HSD3B2: variants seen among roughly 807,000 people sequenced by gnomAD.
HSD3B2 encodes the protein 3 beta-hydroxysteroid dehydrogenase/Delta 5-->4-isomerase type 2.
Under a neutral mutation model 9.9 loss-of-function variants are expected in HSD3B2, and 8 were observed. The observed-to-expected ratio is 0.81, with a 90% CI of 0.47 to 1.46. The LOEUF (loss-of-function observed/expected upper bound fraction) is 1.46. Among genes scored for constraint, HSD3B2 ranks in the 40% most tolerant of loss-of-function variants. HSD3B2 has a pLI of 0.00. For synonymous variants in HSD3B2, 221 were observed against 184.5 expected (o/e 1.20, Z -1.60); for missense variants, 410 against 448.3 (o/e 0.91, Z 0.77).
At chr1:119,417,671 C>G (rs1278337228) in intron 2 of HSD3B2, among the ~76,000 whole-genome samples, 1 of 152,112 alleles carries the variant, frequency 6.6e-6, no homozygotes, top group African/African-American at 2.4e-5. Flanking sequence ...AGCAAATGGT[C>G]CCACCTGTAT....
In HSD3B2 at chr1:119,421,813, C is replaced by G; in HGVS notation, c.312C>G (p.Thr104=). Residue 104 remains threonine, a synonymous_variant, in exon 4 of 4, where the codon ACC becomes ACG. Coordinates refer to ENST00000369416, the MANE Select transcript of HSD3B2 (RefSeq NM_000198.4). ...CATCATGCTCTTCGTGGGCAGGTAC[C>G]CAGCTACTGTTGGAGGCCTGTGTCC... ...ESIMNVNVKG[T]QLLLEACVQA... 6.2e-7 allele frequency: 1 copy of G among 1,613,578 alleles called. No individual in the cohort carries two copies. The highest frequency in any genetic ancestry group is 1.1e-5 in the South Asian group (1 of 91,054).
chr1:119,416,203 G>A (rs1394630146), intron 2 of HSD3B2, among the ~76,000 whole-genome samples: 1 of 152,090 alleles, frequency 6.6e-6, no homozygotes, highest in African/African-American at 2.4e-5. Flanking sequence ...CAGTGAGAGA[G>A]AGAGAAAGAG....
chr1:119,415,328 T>C lies in HSD3B2; in HGVS notation c.-89-3T>C. ...GTATAACCATTTTACCTCTTGTTTT[T>C]AGCCCTCTTCTGGGTCACGCTAGAA... is the stretch of plus-strand genomic sequence containing the variant. On this transcript the variant is annotated splice_polypyrimidine_tract_variant and splice_region_variant and intron_variant, in intron 1 of 3. Transcript: ENST00000369416. 3 of 1,368,798 alleles carry C rather than the reference T, an allele frequency of 2.2e-6. No individual in the cohort carries two copies. The highest frequency in any genetic ancestry group is 3.1e-6 in the Non-Finnish European group (3 of 959,534). The allele number at this position is 1,368,798 out of a possible 1,614,324, so 84.8% of individuals were successfully genotyped here.
At chr1:119,420,662 A>G (rs1651834567) in intron 3 of HSD3B2, among the ~76,000 whole-genome samples, 1 of 152,242 alleles carries the variant, frequency 6.6e-6, no homozygotes, top group Non-Finnish European at 1.5e-5. Context: ...CTGTCTCTCC[A>G]GAAACTCAAA....
intron 3 of HSD3B2, among the ~76,000 whole-genome samples, chr1:119,421,377 GTATATATATA>G (rs776059987): frequency 1.6e-4 from 21 of 133,132 alleles, no homozygotes; most frequent in South Asian, 1.1e-3. Context: ...AAGTGTGTGT[GTATATATATA>G]TATGTATATA....
chr1:119,422,805 A>T lies in HSD3B2; in HGVS notation c.*185A>T. On this transcript the variant is annotated 3_prime_UTR_variant, in exon 4 of 4. Coordinates refer to ENST00000369416, the MANE Select transcript of HSD3B2 (RefSeq NM_000198.4). ...TCTGCACAGTCACTGGCCCAACCAGAACTTTCTGTCCTAATCATACACCAG... is the reference window on the plus strand; with the variant it reads ...TCTGCACAGTCACTGGCCCAACCAGTACTTTCTGTCCTAATCATACACCAG... 1 of 702,036 alleles carries T rather than the reference A, an allele frequency of 1.4e-6. No homozygotes were observed. Among genetic ancestry groups the T allele is most frequent in the South Asian group, 1.8e-5 (1 of 56,418 alleles). The allele number at this position is 702,036 out of a possible 1,614,324, so 43.5% of individuals were successfully genotyped here.
At chr1:119,417,667 T>C (rs980115033) in intron 2 of HSD3B2, among the ~76,000 whole-genome samples, 1 of 152,122 alleles carries the variant, frequency 6.6e-6, no homozygotes, top group Non-Finnish European at 1.5e-5. Flanking sequence ...GAAGAGCAAA[T>C]GGTCCCACCT....
chr1:119,418,359 G>A (rs1257114102), intron 2 of HSD3B2, among the ~76,000 whole-genome samples: 10 of 152,102 alleles, frequency 6.6e-5, no homozygotes, highest in Non-Finnish European at 1.5e-5. Context: ...GGGTGATTTT[G>A]TCTCCTTTTC....
intron 2 of HSD3B2, 29 bp downstream of exon 2, chr1:119,415,590 G>A: frequency 6.2e-7 from 1 of 1,612,230 alleles, no homozygotes; most frequent in Non-Finnish European, 8.5e-7. Context: ...TGGGTCTGTG[G>A]CTCCATCTTA....
At position 119,419,349 on chromosome 1, in the gene HSD3B2, C is replaced by T. The variant is rs1278393935; in HGVS notation, c.143-69C>T. The T allele has an allele frequency of 2.7e-5, 39 of 1,470,322 alleles. No homozygotes were observed. In the East Asian group the frequency reaches 7.0e-4, roughly 27 times the overall value. The allele number at this position is 1,470,322 out of a possible 1,614,324, so 91.1% of individuals were successfully genotyped here. On this transcript the variant is annotated intron_variant, in intron 2 of 3. Coordinates refer to ENST00000369416, the MANE Select transcript of HSD3B2 (RefSeq NM_000198.4). ...ATCTCTTTGAGCACCTATGTAACAT[C>T]GCCTTTATCAGAAAACTTCCCAGCC...
chr1:119,416,501 T>C (rs1248052476), intron 2 of HSD3B2, among the ~76,000 whole-genome samples: 4 of 152,316 alleles, frequency 2.6e-5, no homozygotes, highest in Non-Finnish European at 5.9e-5. Context: ...GATTAATGTG[T>C]AGCAGAGCTC....
intron 2 of HSD3B2, among the ~76,000 whole-genome samples, chr1:119,416,656 A>G (rs1651721086): frequency 6.6e-6 from 1 of 152,170 alleles, no homozygotes. Flanking sequence ...GGAACTATGT[A>G]TCTTCTTCAT....
chr1:119,416,213 GAGAA>G (rs371811442), intron 2 of HSD3B2, among the ~76,000 whole-genome samples: 49 of 152,242 alleles, frequency 3.2e-4, no homozygotes, highest in African/African-American at 9.9e-4. Flanking sequence ...GAGAGAAAGA[GAGAA>G]AGAGAGCATG....
Position 119,422,675 on chromosome 1 carries a change from C to T in HSD3B2, c.*55C>T. 6.3e-7 allele frequency: 1 copy of T among 1,599,530 alleles called. No homozygotes were observed. Among genetic ancestry groups the T allele is most frequent in the Non-Finnish European group, 8.5e-7 (1 of 1,172,206 alleles). On this transcript the variant is annotated 3_prime_UTR_variant, in exon 4 of 4. Coordinates refer to ENST00000369416, the MANE Select transcript of HSD3B2 (RefSeq NM_000198.4). ...TATTGTTAGGAAATGTCATCAAACT[C>T]CACCCACCTGGCTTCATACAGAAGG...
In HSD3B2 at chr1:119,419,417, G is replaced by C. The variant is rs1399398274; in HGVS notation, c.143-1G>C. 1 of 1,613,658 alleles carries C rather than the reference G, an allele frequency of 6.2e-7. No homozygotes were observed. The highest frequency in any genetic ancestry group is 1.3e-5 in the African/African-American group (1 of 74,982). ...CAATGACCTGACCTGTGTTCACACA[G>C]AGCTCCAGAACAGGACCAAGCTGAC... On this transcript the variant is annotated splice_acceptor_variant, in intron 2 of 3. Transcript: ENST00000369416. LOFTEE classifies it high-confidence loss of function.
At position 119,415,368 on chromosome 1, in the gene HSD3B2, C is replaced by CA; in HGVS notation, c.-51dup. 1 of 1,602,198 alleles carries CA rather than the reference C, an allele frequency of 6.2e-7. No homozygotes were observed. ...TCACGCTAGAATCAGATCTGCTCTCCAGCATCTTCTGTTTCCTGGCAAGTG... is the reference window on the plus strand; with the variant it reads ...TCACGCTAGAATCAGATCTGCTCTCCAAGCATCTTCTGTTTCCTGGCAAGTG... On this transcript the variant is annotated 5_prime_UTR_variant, in exon 2 of 4. Coordinates refer to ENST00000369416, the MANE Select transcript of HSD3B2 (RefSeq NM_000198.4).
At chr1:119,420,205 C>T (rs1026608654) in intron 3 of HSD3B2, among the ~76,000 whole-genome samples, 2 of 152,160 alleles carry the variant, frequency 1.3e-5, no homozygotes, top group African/African-American at 4.8e-5. Flanking sequence ...TCTACTATTA[C>T]AGAGCCATTT....
At chr1:119,417,092 T>C (rs1361316113) in intron 2 of HSD3B2, among the ~76,000 whole-genome samples, 1 of 152,206 alleles carries the variant, frequency 6.6e-6, no homozygotes, top group Non-Finnish European at 1.5e-5. Context: ...TCCTTTTTTA[T>C]AGATGAGGAG....
intron 3 of HSD3B2, among the ~76,000 whole-genome samples, chr1:119,420,417 A>C (rs587708222): frequency 8.5e-5 from 13 of 152,270 alleles, no homozygotes; most frequent in South Asian, 2.1e-4. Flanking sequence ...ACTGTCTAAA[A>C]AAACAAACAA....
Sources: gnomAD v4.1 joint callset for allele counts (sites outside exome capture counted in the v4.1 genomes callset) on GRCh38, gnomAD v4.1.1 for gene constraint, MANE v1.5 for transcripts, NCBI Gene and HGNC (gene_info 2026-07-23, HGNC 2026-07-21) for gene names.